The following TBC1D19 variants were observed in gnomAD, a reference collection of about 807,000 sequenced individuals.
TBC1D19 encodes TBC1 domain family, member 19.
A neutral mutation model predicts 89.0 loss-of-function variants in TBC1D19; 60 were observed. The observed-to-expected ratio is 0.67, with a 90% CI of 0.55 to 0.84. The LOEUF (loss-of-function observed/expected upper bound fraction) is 0.84. TBC1D19 is among the 40% of genes least tolerant of loss of function. The pLI is 0.00. For missense variants in TBC1D19, 500 were observed against 610.8 expected (o/e 0.82, Z 1.91); for synonymous variants, 189 against 199.7 (o/e 0.95, Z 0.45).
In TBC1D19 at chr4:26,620,456, T is replaced by C. The variant is rs73114625; in HGVS notation, c.219-157T>C. On this transcript the variant is annotated intron_variant, in intron 3 of 20. Transcript: ENST00000264866. ...GTACCTAGAATGGCCCAAGTATTTGTTGACTACATCAATCTATTTTCTTAA... is the reference window on the plus strand; with the variant it reads ...GTACCTAGAATGGCCCAAGTATTTGCTGACTACATCAATCTATTTTCTTAA... 2.7e-3 allele frequency among the ~76,000 whole-genome samples: 412 copies of C among 152,344 alleles called. 4 individuals carry two copies. The highest frequency in any genetic ancestry group is 9.2e-3 in the African/African-American group (382 of 41,578).
chr4:26,800,288 GA>G, the TBC1D19 span, among the ~76,000 whole-genome samples: 1 of 152,154 alleles, frequency 6.6e-6, no homozygotes, highest in Non-Finnish European at 1.5e-5. Context: ...AGTTTGCTGA[GA>G]ATGACGGTTT....
intron 1 of TBC1D19, among the ~76,000 whole-genome samples, chr4:26,588,013 T>G (rs1739522798): frequency 6.6e-6 from 1 of 150,748 alleles, no homozygotes; most frequent in East Asian, 1.9e-4. Context: ...CCTTATACTG[T>G]CATATGTGTT....
At chr4:26,750,559 A>G (rs1718894006) in intron 19 of TBC1D19, among the ~76,000 whole-genome samples, 1 of 152,214 alleles carries the variant, frequency 6.6e-6, no homozygotes, top group Non-Finnish European at 1.5e-5. Flanking sequence ...AGGAAAAGAG[A>G]AATAAATGTA....
chr4:26,629,445 C>T (rs951983608), intron 4 of TBC1D19, among the ~76,000 whole-genome samples: 3 of 152,016 alleles, frequency 2.0e-5, no homozygotes, highest in Admixed American at 2.0e-4. Flanking sequence ...TCTCTCTTTT[C>T]ACCACTGTAT....
intron 13 of TBC1D19, among the ~76,000 whole-genome samples, chr4:26,707,415 A>G (rs1715825385): frequency 6.6e-6 from 1 of 151,962 alleles, no homozygotes; most frequent in Admixed American, 6.6e-5. Context: ...CTTTTAATAT[A>G]TTTATGTCTT....
intron 13 of TBC1D19, among the ~76,000 whole-genome samples, chr4:26,705,071 G>A (rs1196007077): frequency 4.6e-5 from 7 of 151,442 alleles, no homozygotes; most frequent in Non-Finnish European, 1.0e-4. Flanking sequence ...ATCTACTCAG[G>A]AAAAAAATGT....
At chr4:26,760,618 C>T (rs1456450868), downstream of TBC1D19, among the ~76,000 whole-genome samples, 1 of 152,044 alleles carries the variant, frequency 6.6e-6, no homozygotes, top group African/African-American at 2.4e-5. Flanking sequence ...CTGGATGTAG[C>T]ATATGGTTTG....
At chr4:26,809,798 A>C in the TBC1D19 span, among the ~76,000 whole-genome samples, 1 of 152,106 alleles carries the variant, frequency 6.6e-6, no homozygotes, top group African/African-American at 2.4e-5. Context: ...GCCTCTGTGA[A>C]TCGTCCCTTC....
intron 13 of TBC1D19, among the ~76,000 whole-genome samples, chr4:26,714,751 A>G (rs888387432): frequency 6.6e-6 from 1 of 152,076 alleles, no homozygotes; most frequent in Non-Finnish European, 1.5e-5. Flanking sequence ...AGATCTTATT[A>G]AACAGTTTAC....
At chr4:26,687,875 C>T (rs1713953224) in intron 12 of TBC1D19, among the ~76,000 whole-genome samples, 1 of 152,066 alleles carries the variant, frequency 6.6e-6, no homozygotes, top group African/African-American at 2.4e-5. Flanking sequence ...TACAGAAAAT[C>T]AACATTCTTG....
intron 7 of TBC1D19, among the ~76,000 whole-genome samples, chr4:26,643,893 A>T (rs1351736069): frequency 6.6e-6 from 1 of 152,194 alleles, no homozygotes; most frequent in Non-Finnish European, 1.5e-5. Context: ...GAATCACTGA[A>T]TAGGCCAATA....
rs1450215604 is a variant in TBC1D19, at chr4:26,755,079, A to T, written c.*132A>T. On this transcript the variant is annotated 3_prime_UTR_variant, in exon 21 of 21. Coordinates refer to ENST00000264866, the MANE Select transcript of TBC1D19 (RefSeq NM_018317.4). ...AAAGATCATGTTCCCTCTTCAGTTA[A>T]ACCTAAGTAGTTTCTCACTTTTTGA... is the stretch of plus-strand genomic sequence containing the variant. The T allele has an allele frequency of 1.4e-6, 1 of 705,370 alleles. No homozygotes were observed. The highest frequency in any genetic ancestry group is 1.9e-5 in the African/African-American group (1 of 53,748). 43.7% of individuals were successfully genotyped at this position (705,370 alleles called of 1,614,324 possible). A position where few individuals can be genotyped will look rare whatever the true frequency, so the allele number is the denominator to read the frequency against.
chr4:26,637,126 C>A, intron 4 of TBC1D19, 85 bp from the exon 5 acceptor site: 1 of 969,112 alleles, frequency 1.0e-6, no homozygotes, highest in South Asian at 1.6e-5. Context: ...CTTACCATTT[C>A]TATATAATTT....
At chr4:26,649,878 A>G (rs1235450118) in intron 7 of TBC1D19, among the ~76,000 whole-genome samples, 1 of 151,812 alleles carries the variant, frequency 6.6e-6, no homozygotes, top group Non-Finnish European at 1.5e-5. Context: ...CAACCCCACA[A>G]CAGGCCCCAG....
At chr4:26,823,283 C>T in the TBC1D19 span, among the ~76,000 whole-genome samples, 1 of 152,112 alleles carries the variant, frequency 6.6e-6, no homozygotes, top group Non-Finnish European at 1.5e-5. Context: ...CAATTACCTC[C>T]CACCGGGTCC....
At chr4:26,611,032 C>T (rs1282320407) in intron 1 of TBC1D19, among the ~76,000 whole-genome samples, 1 of 152,130 alleles carries the variant, frequency 6.6e-6, no homozygotes, top group Non-Finnish European at 1.5e-5. Flanking sequence ...AAACTGCTTT[C>T]CCCAATGGCT....
At chr4:26,786,244 A>G in the TBC1D19 span, among the ~76,000 whole-genome samples, 1 of 152,296 alleles carries the variant, frequency 6.6e-6, no homozygotes, top group East Asian at 1.9e-4. Context: ...CTCAGTCATT[A>G]GCCAGTTGTC....
intron 7 of TBC1D19, among the ~76,000 whole-genome samples, chr4:26,640,491 C>T (rs1038869647): frequency 6.6e-6 from 1 of 152,180 alleles, no homozygotes; most frequent in Non-Finnish European, 1.5e-5. Context: ...GCGTGATCAA[C>T]ACAGAAGACG....
At chr4:26,747,672 G>A (rs1421457450) in intron 18 of TBC1D19, among the ~76,000 whole-genome samples, 1 of 152,166 alleles carries the variant, frequency 6.6e-6, no homozygotes, top group Non-Finnish European at 1.5e-5. Flanking sequence ...GAAATATGAA[G>A]AACTGGTTGA....
Sources: allele counts gnomAD v4.1 joint callset (sites outside exome capture counted in the v4.1 genomes callset), GRCh38; gene constraint gnomAD v4.1.1; transcripts MANE v1.5; gene names NCBI Gene and HGNC (gene_info 2026-07-23, HGNC 2026-07-21).